The following B4GALNT3 variants were observed in gnomAD, a reference collection of about 807,000 sequenced individuals.
The protein encoded by B4GALNT3 is beta-1,4-N-acetyl-galactosaminyltransferase 3, also known as beta-1,4-N-acetylgalactosaminyltransferase 3.
In B4GALNT3, 86 loss-of-function variants were observed where a neutral mutation model predicts 120.2. The ratio of observed to expected loss-of-function variants is 0.72; its 90% CI spans 0.60 to 0.86. The LOEUF is 0.86. B4GALNT3 is among the 40% of genes least tolerant of loss of function. B4GALNT3 has a pLI of 0.00. For missense variants in B4GALNT3, 1,167 were observed against 1,298.9 expected, an observed-to-expected ratio of 0.90 and a Z score of 1.56; for synonymous variants, 518 against 510.4, an observed-to-expected ratio of 1.01 and a Z score of -0.20.
intron 1 of B4GALNT3, among the ~76,000 whole-genome samples, chr12:510,775 T>C (rs2120571147): frequency 1.3e-5 from 2 of 152,014 alleles, no homozygotes; most frequent in Admixed American, 1.3e-4. Flanking sequence ...GATGTTGAAG[T>C]GGAAAGAGGA....
At chr12:554,620 C>G (rs1326599838) in intron 14 of B4GALNT3, among the ~76,000 whole-genome samples, 3 of 150,892 alleles carry the variant, frequency 2.0e-5, no homozygotes, top group East Asian at 2.0e-4. Flanking sequence ...GAAACCCCGT[C>G]TCTACTAAAA....
At position 552,536 on chromosome 12, in the gene B4GALNT3, G is replaced by A. The variant is rs918851674; in HGVS notation, c.1270+8G>A. 2.5e-5 allele frequency: 40 copies of A among 1,613,290 alleles called. No homozygotes were observed. The highest frequency in any genetic ancestry group is 3.3e-5 in the Non-Finnish European group (39 of 1,179,670). The stretch of plus-strand genomic sequence containing the variant: ...AGGGGCTGGAGCAGCCAGGTACAGA[G>A]TGACAGCTGAGGCTTCCAGGTCAGG... On this transcript the variant is annotated splice_region_variant and intron_variant, in intron 13 of 19. Transcript: ENST00000266383.
At chr12:541,858 C>A (rs1406832432) in intron 3 of B4GALNT3, among the ~76,000 whole-genome samples, 2 of 128,692 alleles carry the variant, frequency 1.6e-5, no homozygotes, top group African/African-American at 2.8e-5. Flanking sequence ...CCCACCCCCC[C>A]CCACCCCCCG....
intron 1 of B4GALNT3, among the ~76,000 whole-genome samples, chr12:515,060 C>T (rs1946639126): frequency 2.0e-5 from 3 of 152,160 alleles, no homozygotes; most frequent in African/African-American, 7.2e-5. Flanking sequence ...GAACCAAAGA[C>T]CTTGAGTTCC....
At chr12:526,890 C>T (rs1946763557) in intron 1 of B4GALNT3, among the ~76,000 whole-genome samples, 1 of 152,086 alleles carries the variant, frequency 6.6e-6, no homozygotes, top group Non-Finnish European at 1.5e-5. Context: ...ACCTCCTCTC[C>T]TTATCTGCCC....
At chr12:465,951 G>A (rs1363898016) in intron 1 of B4GALNT3, among the ~76,000 whole-genome samples, 1 of 143,952 alleles carries the variant, frequency 6.9e-6, no homozygotes, top group East Asian at 2.1e-4. Flanking sequence ...CACACTCCCT[G>A]TTCTGGGAGT....
chr12:469,041 T>G (rs1156799965), intron 1 of B4GALNT3, among the ~76,000 whole-genome samples: 3 of 152,246 alleles, frequency 2.0e-5, no homozygotes, highest in African/African-American at 7.2e-5. Flanking sequence ...TTGTAAACCT[T>G]GAGTGGCTGC....
Position 557,591 on chromosome 12 carries a change from C to G in B4GALNT3, c.2381-17C>G. 6.2e-7 allele frequency: 1 copy of G among 1,600,290 alleles called. No homozygotes were observed. The highest frequency in any genetic ancestry group is 8.5e-7 in the Non-Finnish European group (1 of 1,174,962). ...CCTTGTCTGTGTTTCCTTCTCCTGC[C>G]TGACCCCCTGGGGTAGTGAAGAACC... On this transcript the variant is annotated splice_polypyrimidine_tract_variant and intron_variant, in intron 15 of 19. Transcript: ENST00000266383.
chr12:469,062 C>G (rs1946110529), intron 1 of B4GALNT3, among the ~76,000 whole-genome samples: 1 of 152,204 alleles, frequency 6.6e-6, no homozygotes, highest in Non-Finnish European at 1.5e-5. Flanking sequence ...AGAAGTGATT[C>G]ATTCTAAACT....
intron 6 of B4GALNT3, 28 bp downstream of exon 6, chr12:545,497 C>T: frequency 6.4e-7 from 1 of 1,562,120 alleles, no homozygotes; most frequent in African/African-American, 1.3e-5. Flanking sequence ...CCGGTCCCTC[C>T]CATCTGCTCC....
chr12:494,486 G>T (rs1000393722), intron 1 of B4GALNT3, among the ~76,000 whole-genome samples: 7 of 152,134 alleles, frequency 4.6e-5, no homozygotes, highest in African/African-American at 1.4e-4. Context: ...GAGTATGAGC[G>T]CTGGAGTCTC....
intron 1 of B4GALNT3, among the ~76,000 whole-genome samples, chr12:486,081 A>G (rs1286422313): frequency 1.3e-5 from 2 of 152,196 alleles, no homozygotes; most frequent in Non-Finnish European, 2.9e-5. Context: ...CTCAGTCCCA[A>G]GCTTGTGTGA....
intron 1 of B4GALNT3, among the ~76,000 whole-genome samples, chr12:501,362 A>G (rs552184260): frequency 6.6e-6 from 1 of 152,204 alleles, no homozygotes; most frequent in African/African-American, 2.4e-5. Context: ...ATTATTCTAC[A>G]CTCTAAACAG....
At chr12:512,593 G>GCTTCCAC (rs201406579) in intron 1 of B4GALNT3, among the ~76,000 whole-genome samples, 746 of 41,264 alleles carry the variant, frequency 0.018, 40 homozygotes, top group African/African-American at 0.07. Flanking sequence ...CCACCTTCGA[G>GCTTCCAC]CTTCCACCTT....
intron 1 of B4GALNT3, among the ~76,000 whole-genome samples, chr12:500,832 G>A (rs936210160): frequency 5.7e-5 from 8 of 140,492 alleles, no homozygotes; most frequent in South Asian, 4.5e-4. Context: ...ACTCACCCCT[G>A]GATAAATCTG....
chr12:550,045 C>A lies in B4GALNT3; in HGVS notation c.997+133C>A. 2.0e-6 allele frequency: 2 copies of A among 986,874 alleles called. No homozygotes were observed. Among genetic ancestry groups the A allele is most frequent in the Non-Finnish European group, 2.9e-6 (2 of 678,622 alleles). The allele number at this position is 986,874 out of a possible 1,614,324, so 61.1% of individuals were successfully genotyped here. On this transcript the variant is annotated intron_variant, in intron 10 of 19. Coordinates refer to ENST00000266383, the MANE Select transcript of B4GALNT3 (RefSeq NM_173593.4). The surrounding 1 kb of genome is among the most constrained non-coding windows in gnomAD (Gnocchi z 4.1). ...GTAGAACTTTTTATCGTCCTTGTAACATAGAACATGCATACAGAAAAGAGA... is the reference window on the plus strand; with the variant it reads ...GTAGAACTTTTTATCGTCCTTGTAAAATAGAACATGCATACAGAAAAGAGA...
intron 1 of B4GALNT3, among the ~76,000 whole-genome samples, chr12:533,619 T>A (rs1946829100): frequency 6.6e-6 from 1 of 152,164 alleles, no homozygotes; most frequent in South Asian, 2.1e-4. Flanking sequence ...AGCTCTCTGT[T>A]CTGATCCTGC....
intron 1 of B4GALNT3, among the ~76,000 whole-genome samples, chr12:473,641 C>T (rs528531074): frequency 6.6e-6 from 1 of 152,260 alleles, no homozygotes; most frequent in East Asian, 1.9e-4. Context: ...CTCTCTGGAG[C>T]TTGAGTACCA....
At chr12:497,327 A>AT (rs2120525711) in intron 1 of B4GALNT3, among the ~76,000 whole-genome samples, 1 of 151,688 alleles carries the variant, frequency 6.6e-6, no homozygotes, top group Admixed American at 6.6e-5. Flanking sequence ...TTAATTTTGT[A>AT]TTTTTAGTAG....
Sources: gnomAD v4.1 joint callset for allele counts (sites outside exome capture counted in the v4.1 genomes callset) on GRCh38, gnomAD v4.1.1 for gene constraint, Gnocchi (gnomAD v3.1) non-coding constraint, MANE v1.5 for transcripts, NCBI Gene and HGNC (gene_info 2026-07-23, HGNC 2026-07-21) for gene names.